RREB1: variants seen among roughly 807,000 people sequenced by gnomAD.
The protein encoded by RREB1 is ras-responsive element-binding protein 1.
RREB1 carries 27 observed loss-of-function variants against 117.8 expected under a neutral mutation model. The observed-to-expected ratio is 0.23, with a 90% CI of 0.17 to 0.32. The LOEUF is 0.32. Ranked by LOEUF, RREB1 falls within the 10% of genes least tolerant of loss-of-function variation. RREB1 has a pLI of 1.00. For synonymous variants in RREB1, 1,298 were observed against 1,026.7 expected (o/e 1.26, Z -5.05); for missense variants, 2,577 against 2,378.2 (o/e 1.08, Z -1.74).
intron 1 of RREB1, among the ~76,000 whole-genome samples, chr6:7,138,076 A>G (rs1388205083): frequency 3.3e-5 from 5 of 152,238 alleles, no homozygotes; most frequent in Non-Finnish European, 7.3e-5. Flanking sequence ...GTCAGATGGC[A>G]TTAGACACCC....
At chr6:7,236,887 GTT>G (rs869133214) in intron 10 of RREB1, among the ~76,000 whole-genome samples, 16 of 63,420 alleles carry the variant, frequency 2.5e-4, no homozygotes, top group South Asian at 1.5e-3. Context: ...GTTTTTGGAG[GTT>G]TTTTTTTTTT....
At chr6:7,206,612 G>A (rs1011233253) in intron 6 of RREB1, among the ~76,000 whole-genome samples, 1 of 132,610 alleles carries the variant, frequency 7.5e-6, no homozygotes, top group East Asian at 2.5e-4. Flanking sequence ...AGGGTGAGGG[G>A]ACAGTCAGAC....
intron 7 of RREB1, 128 bp downstream of exon 7, chr6:7,211,076 A>G (rs78255764): frequency 7.6e-6 from 7 of 922,432 alleles, no homozygotes; most frequent in African/African-American, 1.7e-5. Context: ...GTGTTTTCCC[A>G]TACTGTTTCT....
chr6:7,111,662 T>A (rs957343581), intron 1 of RREB1, among the ~76,000 whole-genome samples: 4 of 152,218 alleles, frequency 2.6e-5, no homozygotes, highest in African/African-American at 9.6e-5. Context: ...TGTTAAAGTT[T>A]GTTTTGGTTT....
chr6:7,231,217 G>T lies in RREB1; in HGVS notation c.3118G>T (p.Ala1040Ser). ...CAGCTCAGCCCTCCTGAGTGGCACA[G>T]CCTTGCTGCGTCCACTGCGGCCCAA... The part of the protein sequence containing the change: ...VGSSALLSGT[A>S]LLRPLRPKPP... Residue 1040 changes from alanine (A) to serine (S), a missense_variant, in exon 10 of 13, where the codon GCC becomes TCC. Coordinates refer to ENST00000379938, the MANE Select transcript of RREB1 (RefSeq NM_001003699.4). 6.2e-7 allele frequency: 1 copy of T among 1,612,460 alleles called. No individual in the cohort carries two copies. The highest frequency in any genetic ancestry group is 1.1e-5 in the South Asian group (1 of 91,062).
chr6:7,168,013 C>T lies in RREB1; in HGVS notation c.-284-8642C>T, dbSNP rs369021357. On this transcript the variant is annotated intron_variant, in intron 1 of 12. Transcript: ENST00000379938. ...CGGTGGTTCACGCCTGTAATCCCAA[C>T]ACTTTGTGAGGCCGAGGTGGGAGGA... Among the ~76,000 whole-genome samples the T allele has an allele frequency of 3.3e-5, 5 of 152,130 alleles. No individual in the cohort carries two copies. The South Asian group carries it at 1.0e-3, about 32-fold the overall frequency.
At chr6:7,109,088 G>A (rs1761000582) in intron 1 of RREB1, among the ~76,000 whole-genome samples, 1 of 151,888 alleles carries the variant, frequency 6.6e-6, no homozygotes, top group South Asian at 2.1e-4. Flanking sequence ...ATCCGAGGCG[G>A]GGCCGGCCGC....
In RREB1 at chr6:7,249,073, GA is replaced by G; in HGVS notation, c.*106del. The G allele has an allele frequency of 5.4e-6, 3 of 552,562 alleles. No homozygotes were observed. Among genetic ancestry groups the G allele is most frequent in the African/African-American group, 2.7e-5 (1 of 37,716 alleles). 34.2% of individuals were successfully genotyped at this position (552,562 alleles called of 1,614,324 possible). A position where few individuals can be genotyped will look rare whatever the true frequency, so the allele number is the denominator to read the frequency against. ...TGGCTGTTGAGGAGTGAGAGAGAGA[GA>G]GAGAGAGAGAGAGAGAGAGAGAGAG... is the stretch of plus-strand genomic sequence containing the variant. On this transcript the variant is annotated 3_prime_UTR_variant, in exon 13 of 13. Transcript: ENST00000379938.
chr6:7,145,966 CCTCTCTCTTTCTCT>C (rs1297729206), intron 1 of RREB1, among the ~76,000 whole-genome samples: 5 of 137,858 alleles, frequency 3.6e-5, no homozygotes, highest in Admixed American at 6.9e-5. Flanking sequence ...CCAGTGCCTT[CCTCTCTCTTTCTCT>C]CTCTCTCTTT....
In RREB1 at chr6:7,249,474, G is replaced by A. The variant is rs1297159095; in HGVS notation, c.*506G>A. On this transcript the variant is annotated 3_prime_UTR_variant, in exon 13 of 13. Transcript: ENST00000379938. The stretch of plus-strand genomic sequence containing the variant: ...TCATGTAAATGACCAGAGGAAAGAT[G>A]GATAAGATGATAATTTCTTAAATAG... 6.5e-6 allele frequency: 1 copy of A among 153,820 alleles called. No individual in the cohort carries two copies. Among genetic ancestry groups the A allele is most frequent in the African/African-American group, 2.4e-5 (1 of 41,508 alleles). 9.5% of individuals were successfully genotyped at this position (153,820 alleles called of 1,614,324 possible). A position where few individuals can be genotyped will look rare whatever the true frequency, so the allele number is the denominator to read the frequency against.
At chr6:7,176,010 T>C (rs551409140) in intron 1 of RREB1, among the ~76,000 whole-genome samples, 1 of 152,310 alleles carries the variant, frequency 6.6e-6, no homozygotes, top group East Asian at 1.9e-4. Flanking sequence ...CTCTGCCTCC[T>C]GGGCTTAAGC....
chr6:7,118,831 T>A (rs999342520), intron 1 of RREB1, among the ~76,000 whole-genome samples: 23 of 63,576 alleles, frequency 3.6e-4, no homozygotes, highest in African/African-American at 1.0e-3. Context: ...TTTTTTTTTT[T>A]AGAGACAGGG....
intron 11 of RREB1, among the ~76,000 whole-genome samples, chr6:7,244,002 C>T (rs1581595004): frequency 6.6e-6 from 1 of 152,274 alleles, no homozygotes; most frequent in African/African-American, 2.4e-5. Flanking sequence ...TGGCGCATGC[C>T]TGTAATCCTA....
chr6:7,206,806 TC>T (rs1228537929), intron 6 of RREB1, among the ~76,000 whole-genome samples: 19 of 141,202 alleles, frequency 1.3e-4, no homozygotes, highest in Non-Finnish European at 2.7e-4. Context: ...GGTGCAGTTT[TC>T]CAGGCAGGAG....
intron 1 of RREB1, among the ~76,000 whole-genome samples, chr6:7,162,053 G>A (rs1325947268): frequency 2.0e-5 from 3 of 152,082 alleles, no homozygotes; most frequent in Admixed American, 6.6e-5. Context: ...TCTGCCAGCC[G>A]CATCTTTGCC....
intron 6 of RREB1, among the ~76,000 whole-genome samples, chr6:7,191,450 T>G (rs1263555066): frequency 6.6e-6 from 1 of 152,190 alleles, no homozygotes; most frequent in Non-Finnish European, 1.5e-5. Context: ...ACATTTTGTG[T>G]GGGCCTGTGT....
chr6:7,225,786 T>G (rs1212266511), intron 8 of RREB1, among the ~76,000 whole-genome samples: 4 of 152,112 alleles, frequency 2.6e-5, no homozygotes, highest in African/African-American at 9.7e-5. Flanking sequence ...TCGCTTCGTA[T>G]TTTTGATCAC....
intron 1 of RREB1, among the ~76,000 whole-genome samples, chr6:7,152,307 C>G (rs1245955867): frequency 6.6e-6 from 1 of 152,178 alleles, no homozygotes; most frequent in Admixed American, 6.5e-5. Context: ...TCTCTAATTT[C>G]TTATAAGTGG....
intron 9 of RREB1, among the ~76,000 whole-genome samples, chr6:7,227,126 C>T (rs1419347502): frequency 6.6e-6 from 1 of 151,620 alleles, no homozygotes; most frequent in African/African-American, 2.4e-5. Context: ...CTAGTAGTCC[C>T]AGCTACTTGG....
Sources: allele counts gnomAD v4.1 joint callset (sites outside exome capture counted in the v4.1 genomes callset), GRCh38; gene constraint gnomAD v4.1.1; transcripts MANE v1.5; gene names NCBI Gene and HGNC (gene_info 2026-07-23, HGNC 2026-07-21).